Variants in TMEM108 observed in about 807,000 individuals in gnomAD.
TMEM108 encodes transmembrane protein 108, also known as cancer/testis antigen 124.
Under a neutral mutation model 35.1 loss-of-function variants are expected in TMEM108, and 12 were observed. The observed-to-expected ratio is 0.34, with a 90% CI of 0.22 to 0.55. The LOEUF (loss-of-function observed/expected upper bound fraction) is 0.55. Among genes scored for constraint, TMEM108 ranks in the 20% least tolerant of loss-of-function variants. TMEM108 has a pLI of 0.89. For synonymous variants in TMEM108, 287 were observed against 308.6 expected, an observed-to-expected ratio of 0.93 and a Z score of 0.73; for missense variants, 680 against 753.3, an observed-to-expected ratio of 0.90 and a Z score of 1.14.
chr3:133,210,620 A>G (rs933767214), intron 2 of TMEM108, among the ~76,000 whole-genome samples: 4 of 152,220 alleles, frequency 2.6e-5, no homozygotes, highest in African/African-American at 7.2e-5. Context: ...AATTATCAAC[A>G]TAATGATATA....
intron 2 of TMEM108, among the ~76,000 whole-genome samples, chr3:133,068,363 G>GA: frequency 6.6e-6 from 1 of 152,138 alleles, no homozygotes; most frequent in East Asian, 1.9e-4. Context: ...GCAGCACTTC[G>GA]GGCCAAGAGG....
intron 2 of TMEM108, among the ~76,000 whole-genome samples, chr3:133,197,136 G>T (rs1399313652): frequency 2.0e-5 from 3 of 152,132 alleles, no homozygotes; most frequent in African/African-American, 7.2e-5. Flanking sequence ...ATATAACATA[G>T]ACTACTATGT....
intron 3 of TMEM108, among the ~76,000 whole-genome samples, chr3:133,353,713 G>A (rs2072075695): frequency 6.6e-6 from 1 of 152,198 alleles, no homozygotes; most frequent in African/African-American, 2.4e-5. Flanking sequence ...ACAAGTGGGA[G>A]GAAGTAATCA....
intron 2 of TMEM108, among the ~76,000 whole-genome samples, chr3:133,072,847 T>C (rs1943692580): frequency 6.6e-6 from 1 of 152,148 alleles, no homozygotes; most frequent in Non-Finnish European, 1.5e-5. Flanking sequence ...CAGGCAGTAA[T>C]CTACTTTGTA....
chr3:133,385,648 CTGAAATG>C (rs2073130005), intron 4 of TMEM108, among the ~76,000 whole-genome samples: 1 of 152,260 alleles, frequency 6.6e-6, no homozygotes, highest in Non-Finnish European at 1.5e-5. Context: ...AGGGGCCAAA[CTGAAATG>C]TGTCATCACT....
intron 2 of TMEM108, among the ~76,000 whole-genome samples, chr3:133,071,199 T>A (rs1943671917): frequency 6.6e-6 from 1 of 152,152 alleles, no homozygotes; most frequent in African/African-American, 2.4e-5. Flanking sequence ...TAGCAGTGTA[T>A]CACAGAGTGG....
intron 3 of TMEM108, among the ~76,000 whole-genome samples, chr3:133,299,638 A>G (rs141642301): frequency 9.2e-5 from 14 of 152,198 alleles, no homozygotes; most frequent in African/African-American, 3.4e-4. Context: ...GCATTTCTTT[A>G]TGTTTTCTCA....
rs547339682 is a variant in TMEM108, at chr3:133,254,526, T to C, written c.40+25175T>C. Among the ~76,000 whole-genome samples the C allele has an allele frequency of 1.2e-4, 18 of 152,278 alleles. No individual in the cohort carries two copies. In the South Asian group the frequency reaches 3.7e-3, roughly 32 times the overall value. On this transcript the variant is annotated intron_variant, in intron 3 of 5. Coordinates refer to ENST00000321871, the MANE Select transcript of TMEM108 (RefSeq NM_023943.4). ...CAAGGTGCCTCAAGATACTTGCATA[T>C]TAACGTCAGTCGAATATGTGATCTC...
At chr3:133,156,692 A>G (rs966195569) in intron 2 of TMEM108, among the ~76,000 whole-genome samples, 2 of 152,224 alleles carry the variant, frequency 1.3e-5, no homozygotes, top group Non-Finnish European at 2.9e-5. Flanking sequence ...ATGTACAAAA[A>G]TGTCCACCTC....
intron 2 of TMEM108, among the ~76,000 whole-genome samples, chr3:133,193,932 T>C (rs10935049): frequency 0.24 from 34,978 of 147,804 alleles, 4,380 homozygotes; most frequent in East Asian, 0.48. Flanking sequence ...AGTAGGAACA[T>C]TGATTCTTTT....
chr3:133,106,109 T>C (rs1944148072), intron 2 of TMEM108, among the ~76,000 whole-genome samples: 1 of 148,030 alleles, frequency 6.8e-6, no homozygotes, highest in East Asian at 2.0e-4. Flanking sequence ...GGGAAGACTG[T>C]GGGGAATATG....
intron 3 of TMEM108, among the ~76,000 whole-genome samples, chr3:133,316,155 A>G (rs1200937037): frequency 2.0e-5 from 3 of 152,270 alleles, no homozygotes; most frequent in Non-Finnish European, 1.5e-5. Flanking sequence ...AAATAGAAAC[A>G]CACATATGGG....
chr3:133,199,785 C>G (rs1357245110), intron 2 of TMEM108, among the ~76,000 whole-genome samples: 1 of 152,182 alleles, frequency 6.6e-6, no homozygotes, highest in Non-Finnish European at 1.5e-5. Flanking sequence ...CCACTACTCT[C>G]TTCAAAGCTG....
At chr3:133,342,805 C>T (rs1334054322) in intron 3 of TMEM108, among the ~76,000 whole-genome samples, 1 of 150,350 alleles carries the variant, frequency 6.7e-6, no homozygotes, top group Non-Finnish European at 1.5e-5. Context: ...TTAAGGGATA[C>T]AAAATTACAC....
chr3:133,342,268 A>G (rs1351616849), intron 3 of TMEM108, among the ~76,000 whole-genome samples: 1 of 151,508 alleles, frequency 6.6e-6, no homozygotes, highest in Non-Finnish European at 1.5e-5. Context: ...CATGTCAAAC[A>G]GGTATATGAA....
chr3:133,129,347 C>CT (rs2107742192), intron 2 of TMEM108, among the ~76,000 whole-genome samples: 1 of 94,048 alleles, frequency 1.1e-5, no homozygotes, highest in South Asian at 3.4e-4. Flanking sequence ...TCCGCACCCA[C>CT]ACCCCCCCCC....
chr3:133,141,042 A>C (rs941780906), intron 2 of TMEM108, among the ~76,000 whole-genome samples: 2 of 152,324 alleles, frequency 1.3e-5, no homozygotes, highest in South Asian at 4.1e-4. Context: ...CTACCAAATC[A>C]TAGTAATGTT....
At chr3:133,070,403 G>A (rs988831720) in intron 2 of TMEM108, among the ~76,000 whole-genome samples, 3 of 152,154 alleles carry the variant, frequency 2.0e-5, no homozygotes, top group Non-Finnish European at 4.4e-5. Context: ...GGGCTGTGGT[G>A]TACCTGCTGC....
At position 133,080,433 on chromosome 3, in the gene TMEM108, G is replaced by A. The variant is rs187714778; in HGVS notation, c.-47+34413G>A. ...TCTTCACCATATTTTTTGCATGTAA[G>A]GACATATGTTGGTTACCTTTGGTCT... is the stretch of plus-strand genomic sequence containing the variant. On this transcript the variant is annotated intron_variant, in intron 2 of 5. Coordinates refer to ENST00000321871, the MANE Select transcript of TMEM108 (RefSeq NM_023943.4). Among the ~76,000 whole-genome samples the A allele has an allele frequency of 1.9e-4, 29 of 152,306 alleles. 1 individual carries two copies. Among genetic ancestry groups the A allele is most frequent in the Admixed American group, 1.3e-3 (20 of 15,304 alleles).
Sources: gnomAD v4.1 joint callset for allele counts (sites outside exome capture counted in the v4.1 genomes callset) on GRCh38, gnomAD v4.1.1 for gene constraint, MANE v1.5 for transcripts, NCBI Gene and HGNC (gene_info 2026-07-23, HGNC 2026-07-21) for gene names.